EXOC6B: variants seen among roughly 807,000 people sequenced by gnomAD.
EXOC6B encodes the protein SEC15 homolog B.
Under a neutral mutation model 113.5 loss-of-function variants are expected in EXOC6B, and 54 were observed. That is an observed-to-expected ratio of 0.48 (90% CI 0.38 to 0.60). The LOEUF (loss-of-function observed/expected upper bound fraction) is 0.60. EXOC6B is among the 20% of genes least tolerant of loss of function. The probability of loss-of-function intolerance (pLI) is 0.00; values close to 1 mark genes in which losing one functional copy is unlikely to be tolerated. For missense variants in EXOC6B, 797 were observed against 977.5 expected (o/e 0.82, Z 2.46); for synonymous variants, 357 against 339.0 (o/e 1.05, Z -0.58).
intron 6 of EXOC6B, among the ~76,000 whole-genome samples, chr2:72,585,217 G>A (rs1417769698): frequency 6.6e-6 from 1 of 152,110 alleles, no homozygotes; most frequent in African/African-American, 2.4e-5. Flanking sequence ...TTAAAAATGG[G>A]TTGTTCTAAA....
At chr2:72,613,881 T>C (rs975411384) in intron 6 of EXOC6B, among the ~76,000 whole-genome samples, 1 of 152,182 alleles carries the variant, frequency 6.6e-6, no homozygotes, top group East Asian at 1.9e-4. Context: ...AGTTTTTAAA[T>C]CCTTAAATGA....
Position 72,718,201 on chromosome 2 carries a change from G to T in EXOC6B, c.571C>A (p.Arg191=). The T allele has an allele frequency of 6.2e-7, 1 of 1,613,798 alleles. No homozygotes were observed. The highest frequency in any genetic ancestry group is 1.6e-4 in the Middle Eastern group (1 of 6,062). Residue 191 remains arginine (R), a synonymous_variant, in exon 6 of 22, where the codon CGA becomes AGA. Coordinates refer to ENST00000272427, the MANE Select transcript of EXOC6B (RefSeq NM_015189.3). ...ATAGAAACATCTTTTATTTCTTCTC[G>T]AAGCTTGGGGATGTTGTCCACCATC... The part of the protein sequence containing the change: ...KVMVDNIPKL[R]EEIKDVSMSD...
chr2:72,580,600 C>T (rs899947820), intron 6 of EXOC6B, among the ~76,000 whole-genome samples: 32 of 152,210 alleles, frequency 2.1e-4, no homozygotes, highest in African/African-American at 7.0e-4. Flanking sequence ...TGGTGCTCCA[C>T]TTAAATCCTC....
intron 6 of EXOC6B, among the ~76,000 whole-genome samples, chr2:72,588,902 C>G (rs988983115): frequency 2.6e-5 from 4 of 151,950 alleles, no homozygotes; most frequent in African/African-American, 9.7e-5. Flanking sequence ...ATTCCCAGCT[C>G]TTTTTAAATA....
intron 20 of EXOC6B, among the ~76,000 whole-genome samples, chr2:72,273,237 A>C (rs1384884797): frequency 6.6e-6 from 1 of 152,210 alleles, no homozygotes; most frequent in Non-Finnish European, 1.5e-5. Flanking sequence ...ATTTCTAAGC[A>C]TCTATCTCGT....
chr2:72,634,442 A>T (rs998185015), intron 6 of EXOC6B, among the ~76,000 whole-genome samples: 1 of 152,168 alleles, frequency 6.6e-6, no homozygotes, highest in Non-Finnish European at 1.5e-5. Context: ...CCAGGCTATA[A>T]TTTGGTGCTC....
intron 6 of EXOC6B, among the ~76,000 whole-genome samples, chr2:72,597,716 C>A (rs1317418336): frequency 2.6e-5 from 4 of 151,702 alleles, no homozygotes; most frequent in African/African-American, 9.7e-5. Context: ...TATAAAACCA[C>A]AGATAGATTA....
intron 20 of EXOC6B, among the ~76,000 whole-genome samples, chr2:72,214,579 C>T (rs980276958): frequency 2.0e-5 from 3 of 152,052 alleles, no homozygotes; most frequent in South Asian, 4.1e-4. Context: ...GATTCACCAG[C>T]CAATCTACCA....
intron 6 of EXOC6B, among the ~76,000 whole-genome samples, chr2:72,626,638 A>G (rs934440636): frequency 6.6e-6 from 1 of 152,116 alleles, no homozygotes; most frequent in Non-Finnish European, 1.5e-5. Flanking sequence ...TATGTGTAAT[A>G]GTTTTGTCTT....
chr2:72,632,619 T>A (rs994989871), intron 6 of EXOC6B, among the ~76,000 whole-genome samples: 11 of 152,318 alleles, frequency 7.2e-5, no homozygotes, highest in Middle Eastern at 6.8e-3. Context: ...ATAAAAGTAA[T>A]GTTTGCATGG....
intron 18 of EXOC6B, among the ~76,000 whole-genome samples, chr2:72,444,797 G>A (rs1696465534): frequency 6.6e-6 from 1 of 152,108 alleles, no homozygotes; most frequent in Non-Finnish European, 1.5e-5. Flanking sequence ...AGGGACCTTG[G>A]GCCCAGCACA....
intron 6 of EXOC6B, among the ~76,000 whole-genome samples, chr2:72,709,147 C>G (rs1479536898): frequency 6.6e-6 from 1 of 152,038 alleles, no homozygotes; most frequent in African/African-American, 2.4e-5. Context: ...AGATTTCTCT[C>G]TCTTCTAGAT....
rs534424631 is a variant in EXOC6B, at chr2:72,572,907, T to G, written c.846+2585A>C. On this transcript the variant is annotated intron_variant, in intron 7 of 21. Transcript: ENST00000272427. ...TTAGATGACAGTGAAGTGCCAAATTTTTGTTTTAAGAGCTCAATCAGCAAA... is the reference window on the plus strand; with the variant it reads ...TTAGATGACAGTGAAGTGCCAAATTGTTGTTTTAAGAGCTCAATCAGCAAA... 2.6e-5 allele frequency among the ~76,000 whole-genome samples: 4 copies of G among 152,336 alleles called. No individual in the cohort carries two copies. The South Asian group carries it at 6.2e-4, about 24-fold the overall frequency.
At chr2:72,669,708 G>A (rs915531976) in intron 6 of EXOC6B, among the ~76,000 whole-genome samples, 1 of 152,230 alleles carries the variant, frequency 6.6e-6, no homozygotes, top group African/African-American at 2.4e-5. Context: ...GAAAGCATGT[G>A]TTGAGAAACG....
At chr2:72,500,827 AAGTCCTGAAAGAGGTGTTTTGAATTCTCC>A (rs1452283938) in intron 11 of EXOC6B, among the ~76,000 whole-genome samples, 1 of 152,162 alleles carries the variant, frequency 6.6e-6, no homozygotes, top group African/African-American at 2.4e-5. Context: ...TTGGTCTCTC[AAGTCCTGAAAGAGGTGTTTTGAATTCTCC>A]CACAATTATG....
At chr2:72,402,611 C>G (rs1693409351) in intron 18 of EXOC6B, among the ~76,000 whole-genome samples, 1 of 152,086 alleles carries the variant, frequency 6.6e-6, no homozygotes. Flanking sequence ...AACATTTTGC[C>G]AGACATAGAA....
rs59339550 is a variant in EXOC6B, at chr2:72,758,166, CAAAAAAAA to C, written c.114-16705_114-16698del. Among the ~76,000 whole-genome samples the C allele has an allele frequency of 3.5e-3, 324 of 93,832 alleles. 1 individual carries two copies. Among genetic ancestry groups the C allele is most frequent in the African/African-American group, 0.012 (302 of 24,734 alleles). 61.6% of individuals were successfully genotyped at this position (93,832 alleles called of 152,430 possible). On this transcript the variant is annotated intron_variant, in intron 1 of 21. Coordinates refer to ENST00000272427, the MANE Select transcript of EXOC6B (RefSeq NM_015189.3). The stretch of plus-strand genomic sequence containing the variant: ...TGACAGAATGAGTGAGACTCTGTCT[CAAAAAAAA>C]AAAAAAAAAAAAAGTACATATATTT...
At chr2:72,676,220 T>C (rs1457601668) in intron 6 of EXOC6B, among the ~76,000 whole-genome samples, 1 of 152,190 alleles carries the variant, frequency 6.6e-6, no homozygotes, top group Non-Finnish European at 1.5e-5. Flanking sequence ...TCTTAGTCTT[T>C]AGAGAATGCC....
chr2:72,601,530 G>A (rs1200543265), intron 6 of EXOC6B, among the ~76,000 whole-genome samples: 1 of 152,170 alleles, frequency 6.6e-6, no homozygotes, highest in African/African-American at 2.4e-5. Flanking sequence ...ATGCTGATGA[G>A]GGTGTGGAGC....
Sources: allele counts gnomAD v4.1 joint callset (sites outside exome capture counted in the v4.1 genomes callset), GRCh38; gene constraint gnomAD v4.1.1; transcripts MANE v1.5; gene names NCBI Gene and HGNC (gene_info 2026-07-23, HGNC 2026-07-21).